Variants in TSPAN15 observed in about 807,000 individuals in gnomAD.
TSPAN15 encodes the protein tetraspanin-15.
Under a neutral mutation model 34.5 loss-of-function variants are expected in TSPAN15, and 20 were observed. The ratio of observed to expected loss-of-function variants is 0.58; its 90% CI spans 0.41 to 0.84. The LOEUF is 0.84. TSPAN15 is among the 40% of genes least tolerant of loss of function. The probability of loss-of-function intolerance (pLI) is 0.00; values close to 1 mark genes in which losing one functional copy is unlikely to be tolerated. For synonymous variants in TSPAN15, 155 were observed against 153.9 expected (o/e 1.01, Z -0.05); for missense variants, 313 against 386.1 (o/e 0.81, Z 1.59).
the TSPAN15 span, among the ~76,000 whole-genome samples, chr10:69,519,243 G>A: frequency 6.6e-6 from 1 of 152,106 alleles, no homozygotes; most frequent in African/African-American, 2.4e-5. Context: ...GGGAGACCCT[G>A]TCTCTACAAA....
chr10:69,489,017 C>T (rs1841913562), intron 3 of TSPAN15, among the ~76,000 whole-genome samples: 1 of 152,124 alleles, frequency 6.6e-6, no homozygotes, highest in Admixed American at 6.5e-5. Flanking sequence ...TTTCCCAATC[C>T]TGAGGGTACT....
chr10:69,543,020 T>C, the TSPAN15 span, among the ~76,000 whole-genome samples: 5 of 152,206 alleles, frequency 3.3e-5, no homozygotes, highest in Admixed American at 3.3e-4. Context: ...TATTTGTCTT[T>C]CTCCCTTTAG....
intron 1 of TSPAN15, among the ~76,000 whole-genome samples, chr10:69,476,682 T>C (rs192765316): frequency 2.6e-5 from 4 of 152,236 alleles, no homozygotes; most frequent in Admixed American, 6.5e-5. Flanking sequence ...GAAGAAGTCC[T>C]GTCCAGAGTC....
chr10:69,508,736 G>T (rs1267043925), downstream of TSPAN15, among the ~76,000 whole-genome samples: 1 of 152,178 alleles, frequency 6.6e-6, no homozygotes, highest in African/African-American at 2.4e-5. Context: ...TATTAGTGGG[G>T]AAACTGAGGC....
intron 1 of TSPAN15, among the ~76,000 whole-genome samples, chr10:69,465,874 G>A (rs1160469158): frequency 6.6e-6 from 1 of 152,196 alleles, no homozygotes; most frequent in Admixed American, 6.5e-5. Flanking sequence ...GAAGCTCTGC[G>A]CTTCCAGAAG....
the TSPAN15 span, among the ~76,000 whole-genome samples, chr10:69,522,175 A>T: frequency 6.8e-6 from 1 of 146,626 alleles, no homozygotes; most frequent in Non-Finnish European, 1.5e-5. Flanking sequence ...AGCTGGACAA[A>T]TGGCAAAACC....
chr10:69,498,459 CT>C lies in TSPAN15; in HGVS notation c.570+67del. 8.9e-6 allele frequency: 12 copies of C among 1,345,864 alleles called. No homozygotes were observed. In the Admixed American group the frequency reaches 2.1e-4, roughly 24 times the overall value. The allele number at this position is 1,345,864 out of a possible 1,614,324, so 83.4% of individuals were successfully genotyped here. Reference sequence around the variant, plus strand: ...GGACCCCAGGTGGTATAAATGTTCTCTTTTCTCTCTTCCCAACTTGAAGATG... The same window carrying C: ...GGACCCCAGGTGGTATAAATGTTCTCTTTCTCTCTTCCCAACTTGAAGATG... On this transcript the variant is annotated intron_variant, in intron 5 of 7. Coordinates refer to ENST00000373290, the MANE Select transcript of TSPAN15 (RefSeq NM_012339.5).
intron 1 of TSPAN15, among the ~76,000 whole-genome samples, chr10:69,474,090 G>A (rs1056062773): frequency 6.6e-6 from 1 of 152,058 alleles, no homozygotes; most frequent in Non-Finnish European, 1.5e-5. Context: ...CCTGGGAGCC[G>A]GCAGTTCTGA....
chr10:69,537,903 C>T, the TSPAN15 span, among the ~76,000 whole-genome samples: 1 of 152,108 alleles, frequency 6.6e-6, no homozygotes, highest in African/African-American at 2.4e-5. Context: ...AGGCTGGGGG[C>T]CTTAAGCAAC....
At chr10:69,478,792 C>T (rs1448590432) in intron 1 of TSPAN15, among the ~76,000 whole-genome samples, 2 of 152,146 alleles carry the variant, frequency 1.3e-5, no homozygotes, top group African/African-American at 2.4e-5. Flanking sequence ...ACTTTATCAG[C>T]GCATTCAATC....
chr10:69,485,351 A>G (rs1841830165), intron 3 of TSPAN15, 136 bp downstream of exon 3: 2 of 791,544 alleles, frequency 2.5e-6, no homozygotes, highest in Non-Finnish European at 4.4e-6. Context: ...AGAGAATGAC[A>G]GGCACTGAAC....
chr10:69,532,368 T>G, the TSPAN15 span, among the ~76,000 whole-genome samples: 1 of 152,080 alleles, frequency 6.6e-6, no homozygotes, highest in African/African-American at 2.4e-5. Flanking sequence ...AACCCAGAAA[T>G]AAACCCAGAT....
chr10:69,502,183 CT>C (rs1342009826), intron 5 of TSPAN15, among the ~76,000 whole-genome samples: 2 of 152,178 alleles, frequency 1.3e-5, no homozygotes, highest in African/African-American at 4.8e-5. Context: ...TAACACTCAG[CT>C]TTAAAAGAAA....
chr10:69,532,447 C>T, the TSPAN15 span, among the ~76,000 whole-genome samples: 17,394 of 152,176 alleles, frequency 0.11, 1,265 homozygotes, highest in South Asian at 0.16. Context: ...CCCTTTTCAA[C>T]GAATTGTGCT....
At chr10:69,455,625 T>TCTCTCCCC (rs1554830569) in intron 1 of TSPAN15, among the ~76,000 whole-genome samples, 1 of 82,834 alleles carries the variant, frequency 1.2e-5, no homozygotes, top group African/African-American at 4.9e-5. Flanking sequence ...TCTCTCTCTC[T>TCTCTCCCC]CCCCCCCCCG....
chr10:69,530,820 C>CTCTCTCTCTCTATATA, the TSPAN15 span, among the ~76,000 whole-genome samples: 1 of 30,774 alleles, frequency 3.2e-5, no homozygotes, highest in African/African-American at 1.2e-4. Context: ...CTCTCTCTCT[C>CTCTCTCTCTCTATATA]TATATATATA....
intron 1 of TSPAN15, among the ~76,000 whole-genome samples, chr10:69,472,852 A>G (rs1196494630): frequency 1.3e-5 from 2 of 152,220 alleles, no homozygotes; most frequent in Admixed American, 6.5e-5. Flanking sequence ...CCATGAGGAC[A>G]GTGTGGTCTT....
At chr10:69,534,020 T>G in the TSPAN15 span, among the ~76,000 whole-genome samples, 1 of 152,216 alleles carries the variant, frequency 6.6e-6, no homozygotes, top group African/African-American at 2.4e-5. Context: ...CACAATACTC[T>G]AGGAAAATTA....
At chr10:69,459,920 A>ACCCC (rs34284537) in intron 1 of TSPAN15, among the ~76,000 whole-genome samples, 3 of 107,966 alleles carry the variant, frequency 2.8e-5, no homozygotes, top group African/African-American at 9.9e-5. Flanking sequence ...GACTCTAGGC[A>ACCCC]CCCCCCCCCC....
Sources: gnomAD v4.1 joint callset for allele counts (sites outside exome capture counted in the v4.1 genomes callset) on GRCh38, gnomAD v4.1.1 for gene constraint, MANE v1.5 for transcripts, NCBI Gene and HGNC (gene_info 2026-07-23, HGNC 2026-07-21) for gene names.